ASIC2: variants seen among roughly 807,000 people sequenced by gnomAD.
The protein encoded by ASIC2 is acid sensing ion channel subunit 2.
ASIC2 carries 25 observed loss-of-function variants against 57.3 expected under a neutral mutation model. That is an observed-to-expected ratio of 0.44 (90% CI 0.32 to 0.61). The LOEUF is 0.61. Among genes scored for constraint, ASIC2 ranks in the 20% least tolerant of loss-of-function variants. ASIC2 has a pLI of 0.06. For synonymous variants in ASIC2, 319 were observed against 307.5 expected, an observed-to-expected ratio of 1.04 and a Z score of -0.39; for missense variants, 641 against 738.1, an observed-to-expected ratio of 0.87 and a Z score of 1.52.
chr17:33,073,954 GGA>G (rs2092079383), intron 3 of ASIC2, among the ~76,000 whole-genome samples: 1 of 152,106 alleles, frequency 6.6e-6, no homozygotes, highest in Non-Finnish European at 1.5e-5. Context: ...AGGGATCTGA[GGA>G]GAGAGAACAA....
intron 1 of ASIC2, among the ~76,000 whole-genome samples, chr17:33,826,559 C>T (rs932693503): frequency 6.6e-6 from 1 of 152,148 alleles, no homozygotes; most frequent in Non-Finnish European, 1.5e-5. Flanking sequence ...CTTTATTTCA[C>T]CAATGAGGAA....
chr17:33,367,262 A>G (rs973044231), intron 1 of ASIC2, among the ~76,000 whole-genome samples: 8 of 152,234 alleles, frequency 5.3e-5, no homozygotes, highest in Non-Finnish European at 1.2e-4. Context: ...GCAGGCCTAG[A>G]AGAGGCACAG....
At chr17:34,113,359 G>C (rs1911333553) in intron 1 of ASIC2, among the ~76,000 whole-genome samples, 1 of 151,854 alleles carries the variant, frequency 6.6e-6, no homozygotes, top group Admixed American at 6.6e-5. Context: ...TCAAGGGTTT[G>C]AGATCAGGCT....
Position 33,436,853 on chromosome 17 carries a change from C to CTTCTTTTTTT in ASIC2, c.556-324787_556-324786insAAAAAAAGAA, listed in dbSNP as rs1356302162. On this transcript the variant is annotated intron_variant, in intron 1 of 9. Coordinates refer to the ASIC2 transcript ENST00000359872. ...AATGCCTTAAAACACATTCCAACTT[C>CTTCTTTTTTT]TTTTTTTTTTTTTTTTTTTTTTTTT... Among the ~76,000 whole-genome samples the CTTCTTTTTTT allele has an allele frequency of 6.8e-4, 45 of 66,614 alleles. 3 individuals are homozygous for CTTCTTTTTTT. Among genetic ancestry groups the CTTCTTTTTTT allele is most frequent in the Non-Finnish European group, 7.9e-4 (26 of 32,898 alleles). 43.7% of individuals were successfully genotyped at this position (66,614 alleles called of 152,430 possible).
At chr17:33,681,702 C>CCTA (rs1908006769) in intron 1 of ASIC2, among the ~76,000 whole-genome samples, 1 of 152,194 alleles carries the variant, frequency 6.6e-6, no homozygotes, top group Non-Finnish European at 1.5e-5. Flanking sequence ...TTCACCTGGT[C>CCTA]GGCTCTAGTC....
intron 1 of ASIC2, among the ~76,000 whole-genome samples, chr17:33,579,484 C>G (rs1476339509): frequency 1.3e-5 from 2 of 152,102 alleles, no homozygotes; most frequent in Non-Finnish European, 2.9e-5. Flanking sequence ...CATTGAGAAT[C>G]ACGTGCCTTA....
chr17:33,700,770 C>G (rs192453930), intron 1 of ASIC2, among the ~76,000 whole-genome samples: 1 of 152,152 alleles, frequency 6.6e-6, no homozygotes, highest in Non-Finnish European at 1.5e-5. Context: ...TCAGACACAG[C>G]GCTTTGCAGG....
chr17:33,766,266 T>C (rs541916456), intron 1 of ASIC2, among the ~76,000 whole-genome samples: 1 of 152,354 alleles, frequency 6.6e-6, no homozygotes, highest in East Asian at 1.9e-4. Context: ...AACTTTATCA[T>C]AGGTATGTAT....
rs569519526 is a variant in ASIC2 at position 33,019,379 on chromosome 17, GT to G, written c.1442-1696del. Among the ~76,000 whole-genome samples the G allele has an allele frequency of 2.6e-5, 4 of 151,952 alleles. No individual in the cohort carries two copies. In the East Asian group the frequency reaches 7.7e-4, roughly 29 times the overall value. On this transcript the variant is annotated intron_variant, in intron 7 of 9. Coordinates refer to ENST00000225823, the MANE Select transcript of ASIC2 (RefSeq NM_183377.2). The stretch of plus-strand genomic sequence containing the variant: ...GGTGTGCTTGTGTGTGTATATGGGG[GT>G]GTGTGGGGGCTGTGTGCATGGATGT...
At chr17:33,297,398 A>G (rs4795764), upstream of ASIC2, among the ~76,000 whole-genome samples, 129,262 of 152,100 alleles carry the variant, frequency 0.85, 54,974 homozygotes, top group East Asian at 1. Flanking sequence ...TTGCTTCAGG[A>G]ATTTCATGGA....
intron 1 of ASIC2, among the ~76,000 whole-genome samples, chr17:33,405,457 CCTTT>C (rs146368861): frequency 0.12 from 17,871 of 150,246 alleles, 1,133 homozygotes; most frequent in Middle Eastern, 0.14. Flanking sequence ...AGATAGCACT[CCTTT>C]CTTTCTTTCT....
At position 33,406,589 on chromosome 17, in the gene ASIC2, T is replaced by C. The variant is rs367752626; in HGVS notation, c.556-294522A>G. ...TGTTTCTGTTTCCTTGATTATAAGATGAGAATAACACCAGTAGCCTCCTCA... is the reference window on the plus strand; with the variant it reads ...TGTTTCTGTTTCCTTGATTATAAGACGAGAATAACACCAGTAGCCTCCTCA... On this transcript the variant is annotated intron_variant, in intron 1 of 9. Transcript: ENST00000359872. Among the ~76,000 whole-genome samples the C allele has an allele frequency of 5.9e-5, 9 of 152,186 alleles. No individual in the cohort carries two copies. In the East Asian group the frequency reaches 1.5e-3, roughly 26 times the overall value.
At chr17:33,444,888 C>T (rs541969461) in intron 1 of ASIC2, among the ~76,000 whole-genome samples, 1 of 152,276 alleles carries the variant, frequency 6.6e-6, no homozygotes, top group South Asian at 2.1e-4. Flanking sequence ...TCAAATCCAG[C>T]TCATCACTTG....
chr17:33,755,716 T>C (rs2142108325), intron 1 of ASIC2, among the ~76,000 whole-genome samples: 2 of 152,290 alleles, frequency 1.3e-5, no homozygotes, highest in Middle Eastern at 3.4e-3. Flanking sequence ...AGTCATGTAA[T>C]GAAGAAATAC....
chr17:33,583,340 G>T (rs1372272591), intron 1 of ASIC2, among the ~76,000 whole-genome samples: 2 of 152,134 alleles, frequency 1.3e-5, no homozygotes, highest in Non-Finnish European at 2.9e-5. Flanking sequence ...CCCTGCCTAA[G>T]CTCATGTTGG....
chr17:33,309,426 C>T (rs1906314792), intron 1 of ASIC2, among the ~76,000 whole-genome samples: 1 of 152,104 alleles, frequency 6.6e-6, no homozygotes, highest in South Asian at 2.1e-4. Context: ...AAAGTGCTGC[C>T]CAAGGGAGGT....
chr17:33,134,988 G>T (rs1377440291), intron 1 of ASIC2, among the ~76,000 whole-genome samples: 1 of 152,154 alleles, frequency 6.6e-6, no homozygotes, highest in Non-Finnish European at 1.5e-5. Flanking sequence ...GAGGTGAGAG[G>T]GGGTCTTTGA....
At chr17:33,062,373 G>C (rs1308794166) in intron 3 of ASIC2, among the ~76,000 whole-genome samples, 1 of 152,090 alleles carries the variant, frequency 6.6e-6, no homozygotes, top group Non-Finnish European at 1.5e-5. Context: ...CTTTGTTCTT[G>C]TTGGTTTCAA....
At chr17:34,104,516 G>A (rs1910974128) in intron 1 of ASIC2, among the ~76,000 whole-genome samples, 1 of 152,044 alleles carries the variant, frequency 6.6e-6, no homozygotes, top group Non-Finnish European at 1.5e-5. Flanking sequence ...AGAAGATTCA[G>A]CATTCTGGCC....
Sources: gnomAD v4.1 joint callset for allele counts (sites outside exome capture counted in the v4.1 genomes callset) on GRCh38, gnomAD v4.1.1 for gene constraint, MANE v1.5 for transcripts, NCBI Gene and HGNC (gene_info 2026-07-23, HGNC 2026-07-21) for gene names.